CTIF: variants seen among roughly 807,000 people sequenced by gnomAD.
CTIF encodes the protein cap binding complex dependent translation initiation factor, also known as CBP80/20-dependent translation initiation factor.
CTIF carries 21 observed loss-of-function variants against 66.0 expected under a neutral mutation model. The ratio of observed to expected loss-of-function variants is 0.32; its 90% CI spans 0.23 to 0.46. The LOEUF (loss-of-function observed/expected upper bound fraction) is 0.46, where lower values mean the gene tolerates loss of function less well. Among genes scored for constraint, CTIF ranks in the 20% least tolerant of loss-of-function variants. The pLI is 1.00. For missense variants in CTIF, 739 were observed against 812.7 expected, an observed-to-expected ratio of 0.91 and a Z score of 1.10; for synonymous variants, 345 against 326.4, an observed-to-expected ratio of 1.06 and a Z score of -0.62.
intron 6 of CTIF, among the ~76,000 whole-genome samples, chr18:48,702,088 G>A (rs2092092019): frequency 6.6e-6 from 1 of 152,202 alleles, no homozygotes; most frequent in South Asian, 2.1e-4. Flanking sequence ...GGGCAGAATG[G>A]GATATTAAAA....
chr18:48,632,757 G>A (rs77898812), intron 2 of CTIF, among the ~76,000 whole-genome samples: 2,250 of 152,094 alleles, frequency 0.015, 18 homozygotes, highest in South Asian at 0.022. Flanking sequence ...AGCCCCTGCC[G>A]AGAGCACACT....
chr18:48,728,171 C>T (rs1040391533), intron 7 of CTIF, among the ~76,000 whole-genome samples: 1 of 152,090 alleles, frequency 6.6e-6, no homozygotes, highest in African/African-American at 2.4e-5. Flanking sequence ...TCCTCTAATT[C>T]CCAATAATAT....
At chr18:48,642,647 T>C (rs1187557891) in intron 3 of CTIF, among the ~76,000 whole-genome samples, 4 of 152,146 alleles carry the variant, frequency 2.6e-5, no homozygotes, top group Admixed American at 6.5e-5. Flanking sequence ...CTTGTATCTT[T>C]CTCTGGTGTT....
intron 9 of CTIF, among the ~76,000 whole-genome samples, chr18:48,816,677 C>A (rs75062033): frequency 2.7e-5 from 4 of 148,692 alleles, no homozygotes; most frequent in Non-Finnish European, 4.5e-5. Context: ...AATGAATGAA[C>A]GAATGAATGC....
At chr18:48,778,833 G>A (rs530682816) in intron 9 of CTIF, among the ~76,000 whole-genome samples, 7 of 152,326 alleles carry the variant, frequency 4.6e-5, no homozygotes, top group South Asian at 2.1e-4. Context: ...CACTAGCACC[G>A]CATCGGGACA....
intron 3 of CTIF, among the ~76,000 whole-genome samples, chr18:48,657,607 G>A (rs1015454038): frequency 2.0e-5 from 3 of 152,096 alleles, no homozygotes; most frequent in South Asian, 2.1e-4. Context: ...GCTCTGCACG[G>A]GAGTGTGCAG....
intron 7 of CTIF, among the ~76,000 whole-genome samples, chr18:48,739,508 T>C (rs2092536268): frequency 6.6e-6 from 1 of 152,226 alleles, no homozygotes; most frequent in South Asian, 2.1e-4. Context: ...CTGCCCTTGC[T>C]CACTCTCTGG....
intron 9 of CTIF, among the ~76,000 whole-genome samples, chr18:48,816,354 C>T (rs755262357): frequency 6.6e-6 from 1 of 152,140 alleles, no homozygotes; most frequent in African/African-American, 2.4e-5. Flanking sequence ...TTTAAGCTAC[C>T]CCAGATTCTT....
chr18:48,638,719 C>T (rs958857770), intron 3 of CTIF, among the ~76,000 whole-genome samples: 1 of 152,228 alleles, frequency 6.6e-6, no homozygotes, highest in Middle Eastern at 3.2e-3. Flanking sequence ...GCAGTTGACT[C>T]GGGGTACGCA....
chr18:48,860,938 A>G lies in CTIF; in HGVS notation c.*1379A>G, dbSNP rs963112320. 2 of 152,210 alleles carry G rather than the reference A, an allele frequency of 1.3e-5. No homozygotes were observed. Among genetic ancestry groups the G allele is most frequent in the Admixed American group, 6.5e-5 (1 of 15,276 alleles). 9.4% of individuals were successfully genotyped at this position (152,210 alleles called of 1,614,324 possible). ...GGTGTGGGGTGGAACAGGTGTCCAC[A>G]TAGCTCCATCTCTGGGGGCTGGAGC... On this transcript the variant is annotated 3_prime_UTR_variant, in exon 12 of 12. Transcript: ENST00000256413.
At chr18:48,551,131 T>C (rs2088871249) in intron 1 of CTIF, among the ~76,000 whole-genome samples, 1 of 149,660 alleles carries the variant, frequency 6.7e-6, no homozygotes, top group Non-Finnish European at 1.5e-5. Flanking sequence ...TAATCTAGTA[T>C]GACTGGTGTC....
At chr18:48,735,945 C>T (rs954061259) in intron 7 of CTIF, among the ~76,000 whole-genome samples, 4 of 151,960 alleles carry the variant, frequency 2.6e-5, no homozygotes, top group Admixed American at 2.0e-4. Context: ...TCATGGGAAG[C>T]GGAGGAGTTG....
intron 6 of CTIF, among the ~76,000 whole-genome samples, chr18:48,705,198 G>A (rs2092136153): frequency 6.6e-6 from 1 of 152,202 alleles, no homozygotes; most frequent in African/African-American, 2.4e-5. Context: ...TCACAGTCTA[G>A]AGGTGTTGGC....
At chr18:48,796,156 C>T (rs550591594) in intron 9 of CTIF, among the ~76,000 whole-genome samples, 25 of 152,158 alleles carry the variant, frequency 1.6e-4, no homozygotes, top group Admixed American at 1.1e-3. Context: ...CCACCATGCC[C>T]GGCTAATTTT....
intron 7 of CTIF, among the ~76,000 whole-genome samples, chr18:48,732,409 C>T (rs1025983931): frequency 3.3e-5 from 5 of 152,076 alleles, no homozygotes; most frequent in African/African-American, 9.7e-5. Context: ...GGGCAGTGCA[C>T]ACCCAGGAGA....
intron 2 of CTIF, among the ~76,000 whole-genome samples, chr18:48,633,642 C>T (rs193208364): frequency 1.3e-5 from 2 of 151,962 alleles, no homozygotes; most frequent in Admixed American, 1.3e-4. Context: ...GTGGAGGTTG[C>T]AGGGAACCAA....
At chr18:48,568,667 AAG>A (rs1555646731) in intron 1 of CTIF, among the ~76,000 whole-genome samples, 1 of 133,714 alleles carries the variant, frequency 7.5e-6, no homozygotes, top group East Asian at 2.1e-4. Flanking sequence ...AAAAAAAAAA[AAG>A]AGGTTTAATG....
chr18:48,564,857 A>T (rs1045291302), intron 1 of CTIF: 4 of 152,038 alleles, frequency 2.6e-5, no homozygotes, highest in Admixed American at 6.6e-5. Flanking sequence ...GGGCCCCAGC[A>T]ATCCTCCTGC....
At chr18:48,754,821 T>C (rs368598304) in intron 7 of CTIF, among the ~76,000 whole-genome samples, 15 of 152,224 alleles carry the variant, frequency 9.9e-5, no homozygotes, top group African/African-American at 3.6e-4. Context: ...TCCAAGCTCT[T>C]TCGAACCAGA....
Sources: gnomAD v4.1 joint callset for allele counts (sites outside exome capture counted in the v4.1 genomes callset) on GRCh38, gnomAD v4.1.1 for gene constraint, MANE v1.5 for transcripts, NCBI Gene and HGNC (gene_info 2026-07-23, HGNC 2026-07-21) for gene names.